LRP1B: variants seen among roughly 807,000 people sequenced by gnomAD.
LRP1B encodes the protein low-density lipoprotein receptor-related protein 1B.
LRP1B carries 217 observed loss-of-function variants against 556.6 expected under a neutral mutation model. The observed-to-expected ratio is 0.39, with a 90% CI of 0.35 to 0.44. The LOEUF is 0.44. Ranked by LOEUF, LRP1B falls within the 20% of genes least tolerant of loss-of-function variation. The probability of loss-of-function intolerance (pLI) is 1.00; values close to 1 mark genes in which losing one functional copy is unlikely to be tolerated. For missense variants in LRP1B, 5,053 were observed against 5,620.8 expected, an observed-to-expected ratio of 0.90 and a Z score of 3.23; for synonymous variants, 2,047 against 1,865.8, an observed-to-expected ratio of 1.10 and a Z score of -2.50.
Position 141,402,186 on chromosome 2 carries a change from A to G in LRP1B, c.343+78210T>C, listed in dbSNP as rs150836327. ...CTTTAAATCAAATAAGGTTGGCCTC[A>G]TGTATTTTAGCATAGATCATATTTT... On this transcript the variant is annotated intron_variant, in intron 3 of 90. Coordinates refer to ENST00000389484, the MANE Select transcript of LRP1B (RefSeq NM_018557.3). Among the ~76,000 whole-genome samples the G allele has an allele frequency of 4.6e-3, 696 of 152,230 alleles. 8 individuals carry two copies. Among genetic ancestry groups the G allele is most frequent in the South Asian group, 0.012 (59 of 4,826 alleles).
intron 40 of LRP1B, among the ~76,000 whole-genome samples, chr2:140,701,058 A>G (rs911727444): frequency 3.3e-5 from 5 of 152,110 alleles, no homozygotes; most frequent in Non-Finnish European, 2.9e-5. Flanking sequence ...CCTCCTAAAT[A>G]TGCTGAGCAT....
At chr2:140,303,058 T>A (rs1683907612) in intron 83 of LRP1B, among the ~76,000 whole-genome samples, 1 of 135,226 alleles carries the variant, frequency 7.4e-6, no homozygotes. Flanking sequence ...TATATGGACA[T>A]ACACACACAC....
At chr2:141,880,687 T>C (rs565054780) in intron 1 of LRP1B, among the ~76,000 whole-genome samples, 1 of 152,204 alleles carries the variant, frequency 6.6e-6, no homozygotes, top group African/African-American at 2.4e-5. Flanking sequence ...AAATGTTATG[T>C]CATTTTCACC....
At chr2:141,853,621 G>A (rs183077278) in intron 1 of LRP1B, among the ~76,000 whole-genome samples, 95 of 151,546 alleles carry the variant, frequency 6.3e-4, no homozygotes, top group Non-Finnish European at 1.0e-3. Flanking sequence ...GTGCCAATGC[G>A]GTTCATATTT....
chr2:141,227,191 CAT>C (rs771621039), intron 6 of LRP1B, among the ~76,000 whole-genome samples: 2 of 152,060 alleles, frequency 1.3e-5, no homozygotes, highest in African/African-American at 4.8e-5. Flanking sequence ...GTTTTTAAAA[CAT>C]ATATTAAAGA....
At chr2:140,717,969 G>T (rs12466996) in intron 35 of LRP1B, among the ~76,000 whole-genome samples, 6,953 of 152,042 alleles carry the variant, frequency 0.046, 230 homozygotes, top group Admixed American at 0.096. Context: ...GCAAGGATTT[G>T]TTTGATTTTC....
chr2:140,768,634 G>A (rs1328993963), intron 35 of LRP1B, among the ~76,000 whole-genome samples: 11 of 151,822 alleles, frequency 7.2e-5, no homozygotes, highest in East Asian at 3.9e-4. Context: ...CATATTAGCC[G>A]CAGCAAAATG....
At chr2:141,749,644 T>C (rs1397769737) in intron 2 of LRP1B, among the ~76,000 whole-genome samples, 2 of 152,062 alleles carry the variant, frequency 1.3e-5, no homozygotes, top group Non-Finnish European at 2.9e-5. Context: ...GCAATTTTAT[T>C]TAGATTAGTT....
chr2:141,153,644 A>G (rs1042842113), intron 7 of LRP1B, among the ~76,000 whole-genome samples: 1 of 142,052 alleles, frequency 7.0e-6, no homozygotes, highest in Non-Finnish European at 1.5e-5. Flanking sequence ...ATATATTTAT[A>G]TAGCTTTACA....
At chr2:141,890,171 A>G (rs1699239492) in intron 1 of LRP1B, among the ~76,000 whole-genome samples, 1 of 151,790 alleles carries the variant, frequency 6.6e-6, no homozygotes, top group Non-Finnish European at 1.5e-5. Context: ...ATGGTCATAC[A>G]TAATTCATGG....
chr2:140,789,617 A>ATTTTTTT (rs1690035095), intron 32 of LRP1B, among the ~76,000 whole-genome samples: 2 of 85,200 alleles, frequency 2.3e-5, no homozygotes, highest in Non-Finnish European at 5.0e-5. Flanking sequence ...AGCTTTAAGG[A>ATTTTTTT]CTTTTTTTTT....
intron 45 of LRP1B, among the ~76,000 whole-genome samples, chr2:140,539,241 T>C (rs964949194): frequency 6.6e-6 from 1 of 152,098 alleles, no homozygotes; most frequent in Non-Finnish European, 1.5e-5. Flanking sequence ...GCCATTAACA[T>C]TCATGAACCA....
intron 17 of LRP1B, among the ~76,000 whole-genome samples, chr2:140,985,494 T>C (rs1189846157): frequency 2.0e-5 from 3 of 151,636 alleles, no homozygotes. Context: ...ATATAAGGAA[T>C]GATCATGTTA....
At chr2:141,809,438 A>G (rs1323188990) in intron 2 of LRP1B, among the ~76,000 whole-genome samples, 6 of 152,060 alleles carry the variant, frequency 3.9e-5, no homozygotes. Context: ...TTGACATGTC[A>G]GCATACCTGG....
At chr2:140,403,485 A>G (rs1684596417) in intron 66 of LRP1B, among the ~76,000 whole-genome samples, 1 of 152,184 alleles carries the variant, frequency 6.6e-6, no homozygotes, top group African/African-American at 2.4e-5. Context: ...AAATAAAGTG[A>G]CAAGTATCCC....
At chr2:140,397,336 C>T (rs1684298634) in intron 66 of LRP1B, among the ~76,000 whole-genome samples, 1 of 151,944 alleles carries the variant, frequency 6.6e-6, no homozygotes, top group Admixed American at 6.6e-5. Flanking sequence ...TGCTCCAATG[C>T]TCTCCCCTCC....
At chr2:140,456,713 T>A in intron 61 of LRP1B, 110 bp from the exon 62 acceptor site, 1 of 936,662 alleles carries the variant, frequency 1.1e-6, no homozygotes, top group South Asian at 2.3e-5. Context: ...TTAGAATAAA[T>A]CTTTGTACTC....
chr2:141,395,012 G>T (rs959467677), intron 3 of LRP1B, among the ~76,000 whole-genome samples: 1 of 152,086 alleles, frequency 6.6e-6, no homozygotes, highest in African/African-American at 2.4e-5. Context: ...TGAGATTTTA[G>T]TCAATGATGG....
intron 2 of LRP1B, among the ~76,000 whole-genome samples, chr2:141,736,129 C>A (rs939978217): frequency 6.6e-6 from 1 of 152,034 alleles, no homozygotes; most frequent in African/African-American, 2.4e-5. Context: ...GTGACTTAAA[C>A]GGCAGACCCT....
Sources: allele counts gnomAD v4.1 joint callset (sites outside exome capture counted in the v4.1 genomes callset), GRCh38; gene constraint gnomAD v4.1.1; transcripts MANE v1.5; gene names NCBI Gene and HGNC (gene_info 2026-07-23, HGNC 2026-07-21).